Variants in NDUFAF1 observed in about 807,000 individuals in gnomAD.
The protein encoded by NDUFAF1 is complex I intermediate-associated protein 30, mitochondrial.
Under a neutral mutation model 28.7 loss-of-function variants are expected in NDUFAF1, and 18 were observed. The observed-to-expected ratio is 0.63, with a 90% CI of 0.43 to 0.93. NDUFAF1 has a LOEUF of 0.93. Ranked by LOEUF, NDUFAF1 falls within the 40% of genes least tolerant of loss-of-function variation. NDUFAF1 has a pLI of 0.00. For synonymous variants in NDUFAF1, 113 were observed against 139.7 expected, an observed-to-expected ratio of 0.81 and a Z score of 1.35; for missense variants, 404 against 398.3, an observed-to-expected ratio of 1.01 and a Z score of -0.12.
intron 1 of NDUFAF1, among the ~76,000 whole-genome samples, chr15:41,398,734 C>G (rs1343111263): frequency 6.6e-6 from 1 of 151,668 alleles, no homozygotes; most frequent in Non-Finnish European, 1.5e-5. Context: ...GTGGACGGAT[C>G]ACTTGAGGTC....
intron 3 of NDUFAF1, chr15:41,394,469 C>A: frequency 3.7e-6 from 3 of 812,936 alleles, no homozygotes; most frequent in African/African-American, 1.8e-5. Flanking sequence ...ACATCCATAT[C>A]AAAAATATTC....
At position 41,396,984 on chromosome 15, in the gene NDUFAF1, G is replaced by C. The variant is rs200903332; in HGVS notation, c.76C>G (p.Pro26Ala). Reference sequence around the variant, plus strand: ...TCTGCAAAGCGAATACCCAAAAATGGATACAAGGCAGAAGTTGGCTTAGAG... The same window carrying C: ...TCTGCAAAGCGAATACCCAAAAATGCATACAAGGCAGAAGTTGGCTTAGAG... The part of the protein sequence containing the change: ...KFSKPTSALY[P>A]FLGIRFAEYS... The change falls in exon 2 of 5, where the codon CCA becomes GCA. Residue 26 changes from proline (P) to alanine (A), a missense_variant. Coordinates refer to ENST00000260361, the MANE Select transcript of NDUFAF1 (RefSeq NM_016013.4). 1.1e-5 allele frequency: 17 copies of C among 1,612,010 alleles called. No homozygotes were observed. In the East Asian group the frequency reaches 2.7e-4, roughly 25 times the overall value.
intron 2 of NDUFAF1, 32 bp from the exon 3 acceptor site, chr15:41,395,076 T>C: frequency 6.3e-7 from 1 of 1,596,602 alleles, no homozygotes; most frequent in Non-Finnish European, 8.6e-7. Flanking sequence ...TCATTGTACC[T>C]CATTCTCCAT....
intron 3 of NDUFAF1, among the ~76,000 whole-genome samples, chr15:41,389,202 C>T (rs867901897): frequency 7.9e-5 from 12 of 151,484 alleles, no homozygotes; most frequent in Admixed American, 2.0e-4. Flanking sequence ...CCCACCTCAG[C>T]TTCCTGAGTA....
chr15:41,390,925 G>A (rs1325700733), intron 3 of NDUFAF1, among the ~76,000 whole-genome samples: 6 of 150,166 alleles, frequency 4.0e-5, no homozygotes, highest in African/African-American at 1.2e-4. Flanking sequence ...CCAGCTACTC[G>A]GGAGGCTGAG....
rs949086698 is a variant in NDUFAF1 at position 41,396,638 on chromosome 15, T to C, written c.422A>G (p.Asp141Gly). 6.2e-7 allele frequency: 1 copy of C among 1,614,144 alleles called. No homozygotes were observed. The highest frequency in any genetic ancestry group is 8.5e-7 in the Non-Finnish European group (1 of 1,180,038). ...EDLDKWTVTS[D>G]KTIGGRSEVF... ...TTCACTTCTGCCTCCAATCGTCTTA[T>C]CAGAAGTCACTGTCCACTTATCCAA... Residue 141 changes from aspartate (D) to glycine (G), a missense_variant, in exon 2 of 5, where the codon GAT becomes GGT. Physicochemically the swap from Asp to Gly is moderately conservative, Grantham distance 94. Transcript: ENST00000260361.
intron 1 of NDUFAF1, among the ~76,000 whole-genome samples, chr15:41,401,552 A>T (rs1263149039): frequency 6.6e-6 from 1 of 150,884 alleles, no homozygotes; most frequent in African/African-American, 2.4e-5. Context: ...CTCTTGCCTC[A>T]GTCACTGGGA....
chr15:41,399,632 A>T (rs1382437349), intron 1 of NDUFAF1, among the ~76,000 whole-genome samples: 1 of 151,720 alleles, frequency 6.6e-6, no homozygotes, highest in Non-Finnish European at 1.5e-5. Flanking sequence ...AGGCGGGCGG[A>T]TCACGAGGTC....
chr15:41,394,389 A>T, intron 3 of NDUFAF1: 1 of 1,288,932 alleles, frequency 7.8e-7, no homozygotes, highest in Non-Finnish European at 1.0e-6. Context: ...GAAACTTCTA[A>T]AAAACAAACA....
Position 41,397,103 on chromosome 15 carries a change from G to A in NDUFAF1, c.-44C>T. 6.4e-7 allele frequency: 1 copy of A among 1,568,738 alleles called. No homozygotes were observed. Among genetic ancestry groups the A allele is most frequent in the South Asian group, 1.1e-5 (1 of 89,026 alleles). On this transcript the variant is annotated 5_prime_UTR_variant, in exon 2 of 5. Transcript: ENST00000260361. Reference sequence around the variant, plus strand: ...TGTAAGTTTCTTCCTGGGCTAGCAAGGGCCACCAAGAAGCTTCAGCAAATA... The same window carrying A: ...TGTAAGTTTCTTCCTGGGCTAGCAAAGGCCACCAAGAAGCTTCAGCAAATA...
At chr15:41,399,816 A>G (rs1317341109) in intron 1 of NDUFAF1, among the ~76,000 whole-genome samples, 4 of 137,814 alleles carry the variant, frequency 2.9e-5, no homozygotes, top group African/African-American at 1.1e-4. Flanking sequence ...AGATCCCGCC[A>G]CTGCACTCCA....
chr15:41,399,461 G>A (rs1319150278), intron 1 of NDUFAF1, among the ~76,000 whole-genome samples: 6 of 151,740 alleles, frequency 4.0e-5, no homozygotes, highest in African/African-American at 1.5e-4. Context: ...GGAGGCTGAG[G>A]CAGGAGAATC....
intron 3 of NDUFAF1, chr15:41,394,295 A>C (rs1237643533): frequency 1.7e-6 from 2 of 1,210,624 alleles, no homozygotes; most frequent in Admixed American, 2.3e-5. Context: ...TGGCCTCCCA[A>C]AGTGCTGGGA....
intron 1 of NDUFAF1, among the ~76,000 whole-genome samples, chr15:41,399,637 G>A (rs1329022104): frequency 1.7e-4 from 25 of 150,752 alleles, no homozygotes; most frequent in African/African-American, 4.2e-4. Context: ...GGCGGATCAC[G>A]AGGTCAGGAG....
chr15:41,402,315 C>T lies in NDUFAF1; in HGVS notation c.-253G>A, dbSNP rs774227853. The T allele has an allele frequency of 1.0e-4, 47 of 453,972 alleles. No individual in the cohort carries two copies. The highest frequency in any genetic ancestry group is 1.0e-3 in the Admixed American group (44 of 42,536). The allele number at this position is 453,972 out of a possible 1,614,324, so 28.1% of individuals were successfully genotyped here. A position where few individuals can be genotyped will look rare whatever the true frequency, so the allele number is the denominator to read the frequency against. On this transcript the variant is annotated 5_prime_UTR_variant, in exon 1 of 5. Coordinates refer to ENST00000260361, the MANE Select transcript of NDUFAF1 (RefSeq NM_016013.4). ...TTCTTCCGCCTTGGCGTATACCTCC[C>T]GCACTCACGGCCTGGCCTCCGGAGG... is the stretch of plus-strand genomic sequence containing the variant.
intron 1 of NDUFAF1, among the ~76,000 whole-genome samples, chr15:41,398,481 GAAAA>G (rs375356140): frequency 1.7e-5 from 2 of 117,236 alleles, no homozygotes; most frequent in Admixed American, 1.8e-4. Flanking sequence ...AATTCCATGT[GAAAA>G]AAAAAAAAAA....
chr15:41,395,075 C>G (rs766823989), intron 2 of NDUFAF1, 31 bp from the exon 3 acceptor site: 12 of 1,600,186 alleles, frequency 7.5e-6, no homozygotes, highest in South Asian at 2.2e-5. Flanking sequence ...TTCATTGTAC[C>G]TCATTCTCCA....
chr15:41,395,532 G>T (rs1369147667), intron 2 of NDUFAF1, among the ~76,000 whole-genome samples: 3 of 151,010 alleles, frequency 2.0e-5, no homozygotes, highest in Non-Finnish European at 3.0e-5. Flanking sequence ...ACCACACCCG[G>T]CTAATTTTTT....
chr15:41,388,550 A>G, intron 3 of NDUFAF1, 28 bp from the exon 4 acceptor site: 4 of 1,474,918 alleles, frequency 2.7e-6, no homozygotes, highest in Non-Finnish European at 2.8e-6. Flanking sequence ...TTACTTCATA[A>G]CTGAAATGTA....
Sources: gnomAD v4.1 joint callset for allele counts (sites outside exome capture counted in the v4.1 genomes callset) on GRCh38, gnomAD v4.1.1 for gene constraint, MANE v1.5 for transcripts, NCBI Gene and HGNC (gene_info 2026-07-23, HGNC 2026-07-21) for gene names.